The following NCOA6 variants were observed in gnomAD, a reference collection of about 807,000 sequenced individuals.
NCOA6 encodes NRC RAP250.
A neutral mutation model predicts 171.4 loss-of-function variants in NCOA6; 49 were observed. The ratio of observed to expected loss-of-function variants is 0.29; its 90% confidence interval spans 0.23 to 0.36. The LOEUF is 0.36. Ranked by LOEUF, NCOA6 falls within the 10% of genes least tolerant of loss-of-function variation. NCOA6 has a pLI of 1.00. For missense variants in NCOA6, 2,248 were observed against 2,554.5 expected (o/e 0.88, Z 2.59); for synonymous variants, 910 against 927.5 (o/e 0.98, Z 0.34).
chr20:34,793,651 G>C (rs1371315468), intron 1 of NCOA6, among the ~76,000 whole-genome samples: 1 of 151,102 alleles, frequency 6.6e-6, no homozygotes, highest in African/African-American at 2.4e-5. Context: ...AGCCATAAGA[G>C]AAAAGATTGA....
chr20:34,771,435 A>C (rs1200063210), intron 4 of NCOA6, among the ~76,000 whole-genome samples: 4 of 152,180 alleles, frequency 2.6e-5, no homozygotes, highest in Non-Finnish European at 4.4e-5. Context: ...CAGCCCAGCC[A>C]ATGTAAGAAT....
At chr20:34,754,607 T>C (rs1373109879) in intron 8 of NCOA6, 115 bp downstream of exon 8, 1 of 1,251,818 alleles carries the variant, frequency 8.0e-7, no homozygotes, top group Non-Finnish European at 1.1e-6. Flanking sequence ...ATTTATGGGC[T>C]TGAAATTAAG....
At chr20:34,760,032 C>G (rs1166729323) in intron 5 of NCOA6, among the ~76,000 whole-genome samples, 1 of 152,150 alleles carries the variant, frequency 6.6e-6, no homozygotes, top group Non-Finnish European at 1.5e-5. Flanking sequence ...AATCCCAGAG[C>G]TTTTGGAGGC....
chr20:34,755,657 A>ATCTG (rs2076620449), intron 7 of NCOA6, among the ~76,000 whole-genome samples: 1 of 152,250 alleles, frequency 6.6e-6, no homozygotes, highest in Non-Finnish European at 1.5e-5. Flanking sequence ...CACCTAGGTG[A>ATCTG]GCATATCATC....
At chr20:34,722,867 T>C (rs928885064) in intron 14 of NCOA6, among the ~76,000 whole-genome samples, 2 of 151,744 alleles carry the variant, frequency 1.3e-5, no homozygotes, top group African/African-American at 4.8e-5. Flanking sequence ...TAGCCAGGAA[T>C]GGTGGTGCAA....
At chr20:34,732,673 T>C (rs1167483007) in intron 12 of NCOA6, 78 bp from the exon 13 acceptor site, 1 of 1,281,094 alleles carries the variant, frequency 7.8e-7, no homozygotes, top group Non-Finnish European at 1.1e-6. Flanking sequence ...AAGAATTCTC[T>C]ATGCCCTATT....
chr20:34,730,673 C>T (rs888984499), intron 13 of NCOA6, among the ~76,000 whole-genome samples: 2 of 149,030 alleles, frequency 1.3e-5, no homozygotes, highest in South Asian at 2.1e-4. Context: ...CTTAGCTATG[C>T]ATTTATTGAC....
At chr20:34,810,064 A>G (rs1346324426) in intron 1 of NCOA6, among the ~76,000 whole-genome samples, 1 of 152,230 alleles carries the variant, frequency 6.6e-6, no homozygotes, top group African/African-American at 2.4e-5. Context: ...GGCTCAATAT[A>G]CTTTTGAAAT....
At chr20:34,804,001 G>A (rs115275211) in intron 1 of NCOA6, among the ~76,000 whole-genome samples, 387 of 147,102 alleles carry the variant, frequency 2.6e-3, no homozygotes, top group African/African-American at 8.9e-3. Context: ...ACAAAAAACC[G>A]TCATCACAGC....
chr20:34,773,328 C>G (rs1431679240), intron 4 of NCOA6, among the ~76,000 whole-genome samples: 2 of 152,198 alleles, frequency 1.3e-5, no homozygotes, highest in East Asian at 3.8e-4. Context: ...CCCCAATTCC[C>G]TGGCCAAAAC....
intron 7 of NCOA6, among the ~76,000 whole-genome samples, chr20:34,756,847 T>C (rs2076655336): frequency 6.6e-6 from 1 of 152,254 alleles, no homozygotes; most frequent in Non-Finnish European, 1.5e-5. Flanking sequence ...CTGTTCTTTT[T>C]ATTTTGCTCT....
chr20:34,750,024 T>G lies in NCOA6; in HGVS notation c.2171A>C (p.Asn724Thr), dbSNP rs200020067. ...EQIMTNQMQGNKQQFNTQNQS... is the reference protein window; with the variant it reads ...EQIMTNQMQGTKQQFNTQNQS... ...GTTCTGAGTGTTAAACTGCTGCTTATTCCCCTGCATTTGATTGGTCATAAT... is the reference window on the plus strand; with the variant it reads ...GTTCTGAGTGTTAAACTGCTGCTTAGTCCCCTGCATTTGATTGGTCATAAT... Residue 724 changes from asparagine to threonine, a missense_variant, in exon 9 of 15, where the codon AAT (asparagine) becomes ACT (threonine). Asn to Thr is a moderately conservative substitution (Grantham distance 65). Transcript: ENST00000359003. 2 of 1,614,254 alleles carry G rather than the reference T, an allele frequency of 1.2e-6. No individual in the cohort carries two copies. Among genetic ancestry groups the G allele is most frequent in the Non-Finnish European group, 8.5e-7 (1 of 1,180,042 alleles).
chr20:34,749,572 G>T lies in NCOA6; in HGVS notation c.2623C>A (p.Pro875Thr). 1 of 1,614,158 alleles carries T rather than the reference G, an allele frequency of 6.2e-7. No homozygotes were observed. The highest frequency in any genetic ancestry group is 1.1e-5 in the South Asian group (1 of 91,076). Residue 875 changes from proline to threonine, a missense_variant, in exon 9 of 15, where the codon CCA becomes ACA. This residue lies in a region of NCOA6 where 987 missense variants were observed against 1,104.7 expected (regional missense o/e 0.89). Coordinates refer to ENST00000359003, the MANE Select transcript of NCOA6 (RefSeq NM_014071.5). ...QMSCGQNPGF[P>T]VNKDVTLTSP... ...GTTAGCGTGACATCCTTATTGACTG[G>T]GAAGCCTGGATTTTGACCACAGGAC...
intron 1 of NCOA6, among the ~76,000 whole-genome samples, chr20:34,813,981 A>G (rs2078752598): frequency 6.6e-6 from 1 of 152,144 alleles, no homozygotes. Flanking sequence ...ATATTCTAAG[A>G]AAAAAACTGG....
Position 34,741,539 on chromosome 20 carries a change from G to C in NCOA6, c.4717C>G (p.Pro1573Ala). Residue 1573 changes from proline (P) to alanine (A), a missense_variant, in exon 11 of 15, where the codon CCA becomes GCA. Around this residue, in one of 7 missense-constraint regions of NCOA6, gnomAD observed 884 missense variants for 941.9 expected, o/e 0.94. Transcript: ENST00000359003. ...ELSEVSSNVAPSIPPVMSRPV... is the reference protein window; with the variant it reads ...ELSEVSSNVAASIPPVMSRPV... ...CTTGACATTACTGGAGGGATGCTTG[G>C]TGCAACGTTAGAACTGACCTCACTC... 1 of 1,614,188 alleles carries C rather than the reference G, an allele frequency of 6.2e-7. No individual in the cohort carries two copies. The highest frequency in any genetic ancestry group is 8.5e-7 in the Non-Finnish European group (1 of 1,180,032).
rs558922666 is a variant in NCOA6 at position 34,722,458 on chromosome 20, T to C, written c.6148+4801A>G. Among the ~76,000 whole-genome samples, 5 of 151,464 alleles carry C rather than the reference T, an allele frequency of 3.3e-5. No homozygotes were observed. The South Asian group carries it at 8.4e-4, about 25-fold the overall frequency. On this transcript the variant is annotated intron_variant, in intron 14 of 14. Coordinates refer to ENST00000359003, the MANE Select transcript of NCOA6 (RefSeq NM_014071.5). ...CATATGGGAGGCCAATGTGGGAGGA[T>C]CACTTGAGGCTAGGAGCTCAAGATC...
At chr20:34,818,032 G>A (rs1240883213) in intron 1 of NCOA6, among the ~76,000 whole-genome samples, 1 of 152,050 alleles carries the variant, frequency 6.6e-6, no homozygotes, top group Non-Finnish European at 1.5e-5. Flanking sequence ...TAGACTACCT[G>A]GACTCAAATA....
intron 8 of NCOA6, among the ~76,000 whole-genome samples, chr20:34,753,820 T>G (rs560085565): frequency 6.6e-6 from 1 of 152,316 alleles, no homozygotes; most frequent in Non-Finnish European, 1.5e-5. Context: ...GATTTTTGTC[T>G]CATTCCTTAG....
In NCOA6 at chr20:34,754,761, C is replaced by G. The variant is rs371647633; in HGVS notation, c.1636G>C (p.Ala546Pro). The G allele has an allele frequency of 6.2e-6, 10 of 1,614,076 alleles. No homozygotes were observed. Among genetic ancestry groups the G allele is most frequent in the Non-Finnish European group, 8.5e-6 (10 of 1,180,040 alleles). The change falls in exon 8 of 15, where the codon GCC becomes CCC. Residue 546 changes from alanine to proline, a missense_variant. Transcript: ENST00000359003. ...TTATTPGNSG[A>P]PQLQANQNVQ... The stretch of plus-strand genomic sequence containing the variant: ...TTTTGATTTGCTTGCAGCTGAGGGG[C>G]TCCTGAATTCCCAGGGGTGGTTGCT...
Sources: allele counts gnomAD v4.1 joint callset (sites outside exome capture counted in the v4.1 genomes callset), GRCh38; gene constraint gnomAD v4.1.1; regional missense constraint gnomAD v4.1.1; transcripts MANE v1.5; gene names NCBI Gene and HGNC (gene_info 2026-07-23, HGNC 2026-07-21).